ANKRD30A: variants seen among roughly 807,000 people sequenced by gnomAD.
ANKRD30A encodes the protein ankyrin repeat domain-containing protein 30A.
ANKRD30A carries 170 observed loss-of-function variants against 166.3 expected under a neutral mutation model. That is an observed-to-expected ratio of 1.02 (90% CI 0.90 to 1.16). The LOEUF is 1.16. Ranked by LOEUF, ANKRD30A falls within the 50% of genes most tolerant of loss-of-function variation. ANKRD30A has a pLI of 0.00. For missense variants in ANKRD30A, 1,630 were observed against 1,518.0 expected, an observed-to-expected ratio of 1.07 and a Z score of -1.23; for synonymous variants, 564 against 508.9, an observed-to-expected ratio of 1.11 and a Z score of -1.46.
intron 25 of ANKRD30A, among the ~76,000 whole-genome samples, chr10:37,191,196 G>A (rs1840540718): frequency 6.6e-6 from 1 of 151,974 alleles, no homozygotes; most frequent in Non-Finnish European, 1.5e-5. Context: ...TCCTCCATGA[G>A]TGGATTAAGA....
intron 27 of ANKRD30A, among the ~76,000 whole-genome samples, chr10:37,195,031 G>GT (rs1261642216): frequency 1.3e-5 from 2 of 152,032 alleles, no homozygotes; most frequent in African/African-American, 4.8e-5. Context: ...AAAAATTTTA[G>GT]TTTACACTTC....
chr10:37,153,218 T>G (rs141259518), intron 12 of ANKRD30A, among the ~76,000 whole-genome samples: 3,020 of 152,286 alleles, frequency 0.02, 77 homozygotes, highest in African/African-American at 0.068. Context: ...TGTTGTATTT[T>G]GTTTGAAATG....
At chr10:37,212,536 A>G (rs1287042519) in intron 31 of ANKRD30A, among the ~76,000 whole-genome samples, 2 of 152,058 alleles carry the variant, frequency 1.3e-5, no homozygotes, top group African/African-American at 2.4e-5. Flanking sequence ...TTCATATGGA[A>G]CCAAAAAAGA....
downstream of ANKRD30A, among the ~76,000 whole-genome samples, chr10:37,234,780 T>C (rs886292114): frequency 3.3e-4 from 50 of 152,228 alleles, no homozygotes; most frequent in Admixed American, 1.3e-4. Context: ...TAGCAACTTC[T>C]TTTCTAAATG....
chr10:37,141,147 CTTTA>C (rs1302036498), intron 6 of ANKRD30A, among the ~76,000 whole-genome samples: 1 of 151,960 alleles, frequency 6.6e-6, no homozygotes, highest in African/African-American at 2.4e-5. Flanking sequence ...TTATTTGTTA[CTTTA>C]TTTAGTGCTT....
At chr10:37,130,096 G>A in intron 2 of ANKRD30A, 89 bp downstream of exon 2, 1 of 1,187,946 alleles carries the variant, frequency 8.4e-7, no homozygotes, top group Admixed American at 3.9e-5. Flanking sequence ...AATACAACTA[G>A]TTTTGAAACC....
chr10:37,215,417 T>A (rs1842552771), intron 31 of ANKRD30A, among the ~76,000 whole-genome samples: 1 of 151,424 alleles, frequency 6.6e-6, no homozygotes, highest in African/African-American at 2.4e-5. Context: ...TTCCAGGGGT[T>A]TCTTGCTATT....
chr10:37,145,061 T>G lies in ANKRD30A; in HGVS notation c.1455+5T>G. ...GAATATTCTTGTGATTCTCGGGTAT[T>G]GTGTATTATTGATGTTATTCTCTAA... On this transcript the variant is annotated splice_donor_5th_base_variant and intron_variant, in intron 8 of 35. Transcript: ENST00000361713. 6.4e-7 allele frequency: 1 copy of G among 1,568,948 alleles called. No individual in the cohort carries two copies. The highest frequency in any genetic ancestry group is 8.7e-7 in the Non-Finnish European group (1 of 1,154,832).
chr10:37,232,657 TATATATATATA>T (rs1843469834), downstream of ANKRD30A: 1 of 2,120 alleles, frequency 4.7e-4, no homozygotes, highest in Non-Finnish European at 9.5e-4. Context: ...ATTGGTTTTA[TATATATATATA>T]TATATATATA....
At chr10:37,139,600 C>A (rs1836962085) in intron 6 of ANKRD30A, among the ~76,000 whole-genome samples, 1 of 152,224 alleles carries the variant, frequency 6.6e-6, no homozygotes, top group Non-Finnish European at 1.5e-5. Context: ...TATCTTGAGA[C>A]TTTTACAAAA....
chr10:37,226,398 G>A (rs1421526823), intron 34 of ANKRD30A, among the ~76,000 whole-genome samples: 1 of 150,804 alleles, frequency 6.6e-6, no homozygotes, highest in East Asian at 2.0e-4. Context: ...TGAGAATGAT[G>A]GTTTCCAGCT....
In ANKRD30A at chr10:37,125,884, A is replaced by G; in HGVS notation, c.97A>G (p.Ile33Val). 1 of 1,555,464 alleles carries G rather than the reference A, an allele frequency of 6.4e-7. No homozygotes were observed. Among genetic ancestry groups the G allele is most frequent in the Non-Finnish European group, 8.8e-7 (1 of 1,130,246 alleles). Residue 33 changes from isoleucine to valine, a missense_variant, in exon 1 of 36, where the codon ATC (isoleucine) becomes GTC (valine). This residue lies in a region of ANKRD30A where 904 missense variants were observed against 818.5 expected (regional missense o/e 1.10). Transcript: ENST00000361713. Reference protein sequence around the residue: ...QLVYTSNDSYIVHSGDLRKIH... With the variant: ...QLVYTSNDSYVVHSGDLRKIH... Reference sequence around the variant, plus strand: ...AGTCTATACCAGCAACGACTCCTACATCGTCCACTCTGGGGATCTTAGAAA... The same window carrying G: ...AGTCTATACCAGCAACGACTCCTACGTCGTCCACTCTGGGGATCTTAGAAA...
At chr10:37,192,409 GACTAA>G (rs1840667353) in intron 25 of ANKRD30A, among the ~76,000 whole-genome samples, 2 of 151,924 alleles carry the variant, frequency 1.3e-5, no homozygotes, top group Non-Finnish European at 2.9e-5. Context: ...ATTTTAAGAG[GACTAA>G]ACTAGAGAAC....
intron 31 of ANKRD30A, among the ~76,000 whole-genome samples, chr10:37,206,589 A>T (rs1233730558): frequency 6.6e-6 from 1 of 152,178 alleles, no homozygotes; most frequent in African/African-American, 2.4e-5. Flanking sequence ...CAGCAGTTCG[A>T]GACCAGCCTG....
chr10:37,143,915 CTTT>C (rs34646779), intron 7 of ANKRD30A, among the ~76,000 whole-genome samples: 11 of 132,120 alleles, frequency 8.3e-5, no homozygotes, highest in South Asian at 2.5e-4. Context: ...ATGCTATAGT[CTTT>C]TTTTTTTTTT....
In ANKRD30A at chr10:37,158,601, T is replaced by A; in HGVS notation, c.1900+15T>A. Reference sequence around the variant, plus strand: ...TTTCAAAGCAGGTAAATTTTGTAATTTTAATTTTACTCTGGAAAGGAGAAT... The same window carrying A: ...TTTCAAAGCAGGTAAATTTTGTAATATTAATTTTACTCTGGAAAGGAGAAT... On this transcript the variant is annotated intron_variant, in intron 15 of 35. Coordinates refer to ENST00000361713, the MANE Select transcript of ANKRD30A (RefSeq NM_052997.3). 1 of 1,611,910 alleles carries A rather than the reference T, an allele frequency of 6.2e-7. No individual in the cohort carries two copies. Among genetic ancestry groups the A allele is most frequent in the Non-Finnish European group, 8.5e-7 (1 of 1,179,128 alleles).
At chr10:37,199,675 T>C in intron 29 of ANKRD30A, 52 bp from the exon 30 acceptor site, 1 of 1,196,268 alleles carries the variant, frequency 8.4e-7, no homozygotes, top group Non-Finnish European at 1.2e-6. Flanking sequence ...GTTTTTAAAA[T>C]GTATAGTAGA....
At chr10:37,195,846 A>G (rs185275074) in intron 27 of ANKRD30A, among the ~76,000 whole-genome samples, 24 of 151,554 alleles carry the variant, frequency 1.6e-4, no homozygotes, top group Admixed American at 1.4e-3. Flanking sequence ...GAGGCCTTTG[A>G]TGGGAAAAAT....
At chr10:37,190,835 GATGTATGT>G (rs747200834) in intron 25 of ANKRD30A, among the ~76,000 whole-genome samples, 8 of 151,420 alleles carry the variant, frequency 5.3e-5, no homozygotes, top group East Asian at 1.9e-4. Flanking sequence ...TATATATATA[GATGTATGT>G]ATGTATGTAT....
Sources: allele counts gnomAD v4.1 joint callset (sites outside exome capture counted in the v4.1 genomes callset), GRCh38; gene constraint gnomAD v4.1.1; regional missense constraint gnomAD v4.1.1; transcripts MANE v1.5; gene names NCBI Gene and HGNC (gene_info 2026-07-23, HGNC 2026-07-21).